The following CSMD3 variants were observed in gnomAD, a reference collection of about 807,000 sequenced individuals.
CSMD3 encodes CUB and sushi domain-containing protein 3.
In CSMD3, 177 loss-of-function variants were observed where a neutral mutation model predicts 435.2. The ratio of observed to expected loss-of-function variants is 0.41; its 90% CI spans 0.36 to 0.46. CSMD3 has a LOEUF of 0.46. Ranked by LOEUF, CSMD3 falls within the 20% of genes least tolerant of loss-of-function variation. CSMD3 has a pLI of 0.34. For synonymous variants in CSMD3, 1,656 were observed against 1,520.5 expected, an observed-to-expected ratio of 1.09 and a Z score of -2.07; for missense variants, 4,265 against 4,504.6, an observed-to-expected ratio of 0.95 and a Z score of 1.52.
chr8:113,368,107 T>A (rs972646458), intron 1 of CSMD3, among the ~76,000 whole-genome samples: 3 of 152,140 alleles, frequency 2.0e-5, no homozygotes, highest in African/African-American at 7.2e-5. Flanking sequence ...GGAAGCCAAA[T>A]GAAAATTTTC....
intron 13 of CSMD3, among the ~76,000 whole-genome samples, chr8:112,771,931 G>A (rs113158954): frequency 1.2e-4 from 18 of 151,952 alleles, no homozygotes; most frequent in East Asian, 1.2e-3. Context: ...GAAAGCAACC[G>A]AATACAGTAA....
intron 5 of CSMD3, among the ~76,000 whole-genome samples, chr8:113,095,072 GA>G (rs972437815): frequency 5.2e-4 from 74 of 142,368 alleles, no homozygotes; most frequent in Middle Eastern, 7.2e-3. Context: ...CTCCATCTCA[GA>G]AAAAAAAAAA....
intron 3 of CSMD3, among the ~76,000 whole-genome samples, chr8:113,184,628 T>C (rs778044559): frequency 5.9e-5 from 9 of 152,092 alleles, no homozygotes; most frequent in Non-Finnish European, 8.8e-5. Context: ...TCAAAACGTA[T>C]GGCCAAATCA....
chr8:112,743,302 A>AT (rs1353701906), intron 13 of CSMD3, among the ~76,000 whole-genome samples: 3 of 151,882 alleles, frequency 2.0e-5, no homozygotes, highest in African/African-American at 7.2e-5. Context: ...TCACCAAAAA[A>AT]AAAAAATAAA....
chr8:113,122,900 T>C (rs147999549), intron 4 of CSMD3, among the ~76,000 whole-genome samples: 231 of 152,136 alleles, frequency 1.5e-3, no homozygotes, highest in African/African-American at 5.5e-3. Context: ...TTCTTAATTA[T>C]TTTGAAATAT....
intron 4 of CSMD3, among the ~76,000 whole-genome samples, chr8:113,127,093 T>C (rs1217101172): frequency 1.3e-5 from 2 of 152,040 alleles, no homozygotes; most frequent in African/African-American, 2.4e-5. Context: ...ATTTATATAT[T>C]ATACAAATGA....
intron 38 of CSMD3, among the ~76,000 whole-genome samples, chr8:112,375,237 A>G (rs998738566): frequency 6.6e-6 from 1 of 152,158 alleles, no homozygotes; most frequent in Non-Finnish European, 1.5e-5. Flanking sequence ...CTACAGGGAA[A>G]AACATATTCC....
rs1171454076 is a variant in CSMD3 at position 113,057,108 on chromosome 8, C to T, written c.918-37929G>A. Among the ~76,000 whole-genome samples the T allele has an allele frequency of 3.3e-5, 5 of 152,164 alleles. No homozygotes were observed. In the South Asian group the frequency reaches 8.3e-4, roughly 25 times the overall value. ...ATAGCTAATTTTTCAGTTATCTACT[C>T]AAAAGCTTATTCCTCAAATGGCTGT... On this transcript the variant is annotated intron_variant, in intron 5 of 70. Coordinates refer to ENST00000297405, the MANE Select transcript of CSMD3 (RefSeq NM_198123.2).
At chr8:112,864,013 G>A (rs904458668) in intron 10 of CSMD3, among the ~76,000 whole-genome samples, 1 of 152,072 alleles carries the variant, frequency 6.6e-6, no homozygotes, top group Non-Finnish European at 1.5e-5. Flanking sequence ...TATTGTCTTA[G>A]AGGTTCCAGG....
At chr8:112,302,091 G>T in intron 52 of CSMD3, 125 bp from the exon 53 acceptor site, 1 of 708,740 alleles carries the variant, frequency 1.4e-6, no homozygotes, top group East Asian at 2.7e-5. Context: ...ATTGGCATTT[G>T]TAAAACATGT....
intron 13 of CSMD3, among the ~76,000 whole-genome samples, chr8:112,697,603 G>A (rs955050251): frequency 6.6e-6 from 1 of 151,888 alleles, no homozygotes; most frequent in Non-Finnish European, 1.5e-5. Flanking sequence ...TGGGGGCAGG[G>A]GGGAGGGTTA....
intron 35 of CSMD3, among the ~76,000 whole-genome samples, chr8:112,403,800 G>A (rs1295965150): frequency 6.6e-6 from 1 of 152,088 alleles, no homozygotes; most frequent in Non-Finnish European, 1.5e-5. Context: ...TAAATATTCA[G>A]ACGATAGGAT....
intron 1 of CSMD3, among the ~76,000 whole-genome samples, chr8:113,343,431 A>G (rs1404123930): frequency 6.6e-6 from 1 of 152,198 alleles, no homozygotes; most frequent in African/African-American, 2.4e-5. Context: ...CCATTTGAAG[A>G]TCACAGAGAA....
intron 13 of CSMD3, among the ~76,000 whole-genome samples, chr8:112,759,140 G>C (rs1009611615): frequency 9.9e-5 from 15 of 152,018 alleles, no homozygotes; most frequent in South Asian, 2.1e-4. Context: ...GTGATAAAAG[G>C]CCTAAATTTA....
At chr8:112,368,517 T>G (rs1345616507) in intron 38 of CSMD3, among the ~76,000 whole-genome samples, 2 of 152,224 alleles carry the variant, frequency 1.3e-5, no homozygotes, top group Non-Finnish European at 2.9e-5. Context: ...TCTACTTGTT[T>G]ACATGTCCTT....
At position 112,291,575 on chromosome 8, in the gene CSMD3, A is replaced by G. The variant is rs1301476975; in HGVS notation, c.8909T>C (p.Phe2970Ser). 21 of 1,611,860 alleles carry G rather than the reference A, an allele frequency of 1.3e-5. No individual in the cohort carries two copies. Among genetic ancestry groups the G allele is most frequent in the Non-Finnish European group, 1.8e-5 (21 of 1,178,494 alleles). Residue 2970 changes from phenylalanine to serine, a missense_variant, in exon 56 of 71, where the codon TTT becomes TCT. Around this residue, in one of 3 missense-constraint regions of CSMD3, gnomAD observed 3,255 missense variants for 3,380.2 expected, o/e 0.96. Transcript: ENST00000297405. ...FYDCNPGYFL[F>S]GSSVLICQPN... ...TTGACATATCAAAACTGAAGATCCA[A>G]ATAAAAAATATCCAGGATTGCAGTC...
intron 3 of CSMD3, among the ~76,000 whole-genome samples, chr8:113,273,853 G>T (rs1029741494): frequency 1.3e-5 from 2 of 151,990 alleles, no homozygotes; most frequent in Admixed American, 6.6e-5. Context: ...CTAATACAGA[G>T]AAATATTTCT....
intron 2 of CSMD3, chr8:113,311,039 T>C (rs2093864324): frequency 6.6e-6 from 1 of 152,002 alleles, no homozygotes; most frequent in Admixed American, 6.6e-5. Flanking sequence ...TACAATATCA[T>C]ATATGGAATG....
chr8:112,511,624 T>C (rs1823147883), intron 28 of CSMD3, among the ~76,000 whole-genome samples: 2 of 152,016 alleles, frequency 1.3e-5, no homozygotes. Context: ...TTTCCTGACC[T>C]TGTGATCCGC....
Sources: gnomAD v4.1 joint callset for allele counts (sites outside exome capture counted in the v4.1 genomes callset) on GRCh38, gnomAD v4.1.1 for gene constraint, gnomAD v4.1.1 regional missense constraint, MANE v1.5 for transcripts, NCBI Gene and HGNC (gene_info 2026-07-23, HGNC 2026-07-21) for gene names.